Variants in FKBP5 observed in about 807,000 individuals in gnomAD.
The protein encoded by FKBP5 is peptidyl-prolyl cis-trans isomerase FKBP5.
FKBP5 carries 23 observed loss-of-function variants against 50.5 expected under a neutral mutation model. That is an observed-to-expected ratio of 0.46 (90% CI 0.33 to 0.65). FKBP5 has a LOEUF of 0.65. Among genes scored for constraint, FKBP5 ranks in the 30% least tolerant of loss-of-function variants. The pLI is 0.02. For missense variants in FKBP5, 411 were observed against 553.1 expected (o/e 0.74, Z 2.58); for synonymous variants, 176 against 190.6 (o/e 0.92, Z 0.63).
chr6:35,581,971 A>G (rs1762446792), intron 8 of FKBP5: 5 of 985,332 alleles, frequency 5.1e-6, no homozygotes, highest in South Asian at 9.4e-5. Context: ...AGCAGGTCTA[A>G]GAGGACATGC....
intron 1 of FKBP5, among the ~76,000 whole-genome samples, chr6:35,664,280 A>G (rs1765155244): frequency 6.6e-6 from 1 of 152,000 alleles, no homozygotes; most frequent in Non-Finnish European, 1.5e-5. Flanking sequence ...ACCTATCCAA[A>G]AATTAGCTGT....
intron 4 of FKBP5, 81 bp downstream of exon 4, chr6:35,620,051 C>T (rs1013073392): frequency 5.2e-6 from 8 of 1,535,824 alleles, no homozygotes; most frequent in Non-Finnish European, 7.2e-6. Context: ...AAGCTTAGCT[C>T]CTTTTCCCAC....
intron 3 of FKBP5, 65 bp downstream of exon 3, chr6:35,636,949 G>A (rs1379747669): frequency 7.0e-7 from 1 of 1,418,460 alleles, no homozygotes; most frequent in Non-Finnish European, 9.4e-7. Context: ...AGAATCCTCT[G>A]CTCCTATATA....
intron 1 of FKBP5, among the ~76,000 whole-genome samples, chr6:35,685,327 T>C (rs973219669): frequency 2.0e-5 from 3 of 152,222 alleles, no homozygotes; most frequent in Admixed American, 1.3e-4. Flanking sequence ...GTTATTGTTT[T>C]AAATCAATAG....
chr6:35,696,873 G>A (rs1766090242), intron 2 of FKBP5, among the ~76,000 whole-genome samples: 1 of 152,168 alleles, frequency 6.6e-6, no homozygotes, highest in Non-Finnish European at 1.5e-5. Context: ...AAATGGAATA[G>A]AATTGAAAGT....
chr6:35,580,898 T>A, intron 8 of FKBP5: 1 of 985,382 alleles, frequency 1.0e-6, no homozygotes, highest in Non-Finnish European at 1.2e-6. Flanking sequence ...ACTAAAAAAA[T>A]GAAAAGGAAG....
At chr6:35,690,080 T>G (rs1028770048), upstream of FKBP5, among the ~76,000 whole-genome samples, 1 of 152,274 alleles carries the variant, frequency 6.6e-6, no homozygotes, top group Non-Finnish European at 1.5e-5. Flanking sequence ...TTAGAACTCA[T>G]GTCTCCTGGC....
chr6:35,651,157 A>C (rs541716620), intron 1 of FKBP5, among the ~76,000 whole-genome samples: 13 of 152,282 alleles, frequency 8.5e-5, no homozygotes, highest in African/African-American at 3.1e-4. Flanking sequence ...TATATAGAAG[A>C]AGTTTGGAAA....
At chr6:35,693,772 C>T (rs1454802069), upstream of FKBP5, among the ~76,000 whole-genome samples, 2 of 151,938 alleles carry the variant, frequency 1.3e-5, no homozygotes, top group African/African-American at 4.8e-5. Context: ...CCGCCCGCCT[C>T]GGCCTCCCAA....
At chr6:35,589,538 T>C (rs1762747925) in intron 7 of FKBP5, among the ~76,000 whole-genome samples, 1 of 152,146 alleles carries the variant, frequency 6.6e-6, no homozygotes, top group Non-Finnish European at 1.5e-5. Context: ...ATGAATATAC[T>C]CTTGGAGTGA....
intron 3 of FKBP5, among the ~76,000 whole-genome samples, chr6:35,626,683 T>TA (rs1325609210): frequency 1.1e-4 from 17 of 152,228 alleles, no homozygotes; most frequent in African/African-American, 4.1e-4. Context: ...ACTTTGTTTT[T>TA]ATGAATTTGA....
chr6:35,653,995 TA>T (rs1366880819), intron 1 of FKBP5, among the ~76,000 whole-genome samples: 1 of 152,154 alleles, frequency 6.6e-6, no homozygotes, highest in Non-Finnish European at 1.5e-5. Context: ...GCTGTGTGTA[TA>T]AGTACATGTG....
intron 6 of FKBP5, among the ~76,000 whole-genome samples, chr6:35,595,489 G>A (rs1463845840): frequency 6.6e-6 from 1 of 152,190 alleles, no homozygotes; most frequent in Non-Finnish European, 1.5e-5. Flanking sequence ...GCTCATGCCT[G>A]TAATCAATCC....
At position 35,630,154 on chromosome 6, in the gene FKBP5, G is replaced by C. The variant is rs540291315; in HGVS notation, c.250+6860C>G. Among the ~76,000 whole-genome samples, 12 of 151,702 alleles carry C rather than the reference G, an allele frequency of 7.9e-5. No individual in the cohort carries two copies. The South Asian group carries it at 2.5e-3, about 32-fold the overall frequency. On this transcript the variant is annotated intron_variant, in intron 3 of 10. Coordinates refer to ENST00000357266, the MANE Select transcript of FKBP5 (RefSeq NM_004117.4). ...CTGGAGAGAAAGAGAGAGAGAAAGA[G>C]GGAGGAGGAGGAAGAAAGAGAGAGA...
chr6:35,691,233 C>T (rs773964021), upstream of FKBP5, among the ~76,000 whole-genome samples: 11 of 151,956 alleles, frequency 7.2e-5, no homozygotes, highest in Non-Finnish European at 1.6e-4. Flanking sequence ...GCTCTTCCTA[C>T]GAGAGGCAGG....
chr6:35,671,263 C>CAA (rs760437984), intron 1 of FKBP5, among the ~76,000 whole-genome samples: 1 of 128,948 alleles, frequency 7.8e-6, no homozygotes, highest in Admixed American at 7.9e-5. Context: ...AATCCTGTCT[C>CAA]AAAAAAAAAA....
upstream of FKBP5, among the ~76,000 whole-genome samples, chr6:35,691,086 A>G (rs777636436): frequency 3.3e-5 from 5 of 152,188 alleles, no homozygotes; most frequent in Admixed American, 6.5e-5. Flanking sequence ...ATCAGGGTAT[A>G]TATGTCCCAA....
intron 5 of FKBP5, among the ~76,000 whole-genome samples, chr6:35,605,763 T>C (rs1763294526): frequency 6.6e-6 from 1 of 151,886 alleles, no homozygotes; most frequent in South Asian, 2.1e-4. Context: ...AAAAACAGGG[T>C]GTCCACTCTT....
intron 1 of FKBP5, among the ~76,000 whole-genome samples, chr6:35,681,461 T>C (rs1765659058): frequency 6.6e-6 from 1 of 152,238 alleles, no homozygotes; most frequent in Non-Finnish European, 1.5e-5. Context: ...ACCACTGTCC[T>C]GATTTCTATC....
Sources: allele counts gnomAD v4.1 joint callset (sites outside exome capture counted in the v4.1 genomes callset), GRCh38; gene constraint gnomAD v4.1.1; transcripts MANE v1.5; gene names NCBI Gene and HGNC (gene_info 2026-07-23, HGNC 2026-07-21).